CUX1: variants seen among roughly 807,000 people sequenced by gnomAD.
CUX1 encodes the protein protein CASP.
In CUX1, 31 loss-of-function variants were observed where a neutral mutation model predicts 158.8. That is an observed-to-expected ratio of 0.20 (90% CI 0.15 to 0.26). The LOEUF (loss-of-function observed/expected upper bound fraction) is 0.26, where lower values mean the gene tolerates loss of function less well. CUX1 is among the 10% of genes least tolerant of loss of function. The pLI, the probability that CUX1 is intolerant of heterozygous loss-of-function variation, is 1.00. For synonymous variants in CUX1, 879 were observed against 862.1 expected (o/e 1.02, Z -0.34); for missense variants, 1,589 against 2,014.6 (o/e 0.79, Z 4.04).
chr7:101,964,004 G>A (rs563117891), intron 2 of CUX1, among the ~76,000 whole-genome samples: 4 of 152,072 alleles, frequency 2.6e-5, no homozygotes, highest in African/African-American at 7.2e-5. Flanking sequence ...TCAACTTCTC[G>A]GCAACCCTGT....
chr7:101,825,794 TGTGTGCGC>T (rs68130473), intron 1 of CUX1, among the ~76,000 whole-genome samples: 11,999 of 94,466 alleles, frequency 0.13, 540 homozygotes, highest in African/African-American at 0.21. Flanking sequence ...TGTGTGTGTG[TGTGTGCGC>T]GCGCGCGCGC....
In CUX1 at chr7:102,082,104, G is replaced by A. The variant is rs1298919600; in HGVS notation, c.268+11687G>A. 2.7e-5 allele frequency among the ~76,000 whole-genome samples: 4 copies of A among 147,074 alleles called. 1 individual carries two copies. The Admixed American group carries it at 2.8e-4, about 10-fold the overall frequency. On this transcript the variant is annotated intron_variant, in intron 4 of 23. Transcript: ENST00000292535. ...CTTACCCTTCAGCCACTGTCACCTA[G>A]TCCAAGCCACCAGTCTCTGTCACCT...
chr7:101,909,220 G>A (rs1169770869), intron 1 of CUX1, among the ~76,000 whole-genome samples: 4 of 148,704 alleles, frequency 2.7e-5, no homozygotes, highest in Admixed American at 6.6e-5. Context: ...AGGCCGAGGC[G>A]GGAGGATCTC....
intron 15 of CUX1, chr7:102,273,502 A>G (rs1586518851): frequency 1.9e-6 from 3 of 1,605,714 alleles, no homozygotes; most frequent in Non-Finnish European, 2.6e-6. Context: ...AGGTGAGCCC[A>G]CCCCCCTGCC....
chr7:102,091,034 T>A (rs907329742), intron 4 of CUX1, among the ~76,000 whole-genome samples: 2 of 152,204 alleles, frequency 1.3e-5, no homozygotes, highest in African/African-American at 2.4e-5. Flanking sequence ...CTACACTCCC[T>A]CTTGTGTGAT....
chr7:101,946,903 C>T (rs1423928022), intron 2 of CUX1, among the ~76,000 whole-genome samples: 1 of 152,130 alleles, frequency 6.6e-6, no homozygotes, highest in Non-Finnish European at 1.5e-5. Context: ...GGTGGCACCC[C>T]TGAACCAGTC....
At chr7:102,098,939 G>A (rs1470959673) in intron 5 of CUX1, among the ~76,000 whole-genome samples, 2 of 150,152 alleles carry the variant, frequency 1.3e-5, no homozygotes, top group East Asian at 2.0e-4. Flanking sequence ...GATTACAGGC[G>A]TGAGCCACCG....
At chr7:101,948,246 G>A (rs1808625866) in intron 2 of CUX1, among the ~76,000 whole-genome samples, 1 of 152,172 alleles carries the variant, frequency 6.6e-6, no homozygotes, top group South Asian at 2.1e-4. Flanking sequence ...ATTACGTGGT[G>A]ATATTTGTCC....
At chr7:102,244,634 G>A (rs1402954683) in intron 23 of CUX1, among the ~76,000 whole-genome samples, 3 of 152,076 alleles carry the variant, frequency 2.0e-5, no homozygotes, top group African/African-American at 7.2e-5. Context: ...AGGCTGCAGT[G>A]AGCTGTGATC....
chr7:101,898,585 C>CTTTT (rs67714464), intron 1 of CUX1, among the ~76,000 whole-genome samples: 29 of 115,450 alleles, frequency 2.5e-4, no homozygotes, highest in Middle Eastern at 6.2e-3. Context: ...ATTTCTGTGT[C>CTTTT]TTTTTTTTTT....
intron 3 of CUX1, among the ~76,000 whole-genome samples, chr7:102,065,511 C>T (rs1255774054): frequency 1.3e-5 from 2 of 152,230 alleles, no homozygotes; most frequent in Non-Finnish European, 2.9e-5. Context: ...CCATTCTTGT[C>T]TGCGGAGCGG....
chr7:102,279,847 C>T (rs1214256239), intron 18 of CUX1, among the ~76,000 whole-genome samples: 2 of 152,246 alleles, frequency 1.3e-5, no homozygotes, highest in Non-Finnish European at 2.9e-5. Context: ...CTCCATGCCC[C>T]TGTGGCAGGA....
chr7:102,125,042 A>G (rs782399238), intron 8 of CUX1, among the ~76,000 whole-genome samples: 1 of 152,086 alleles, frequency 6.6e-6, no homozygotes, highest in Non-Finnish European at 1.5e-5. Flanking sequence ...TCAGCCTTCT[A>G]AAGTGCTGGA....
intron 12 of CUX1, among the ~76,000 whole-genome samples, chr7:102,191,008 G>A (rs962021325): frequency 2.6e-5 from 4 of 152,036 alleles, no homozygotes; most frequent in African/African-American, 7.2e-5. Context: ...AAAGCTCCTC[G>A]GGCATCCTCT....
chr7:101,961,769 C>T (rs1239368357), intron 2 of CUX1: 4 of 150,548 alleles, frequency 2.7e-5, no homozygotes, highest in African/African-American at 9.8e-5. Context: ...CCAGCTATTC[C>T]AGAGGCTGAG....
intron 2 of CUX1, among the ~76,000 whole-genome samples, chr7:101,967,990 A>G (rs145624852): frequency 5.3e-5 from 8 of 151,962 alleles, no homozygotes; most frequent in African/African-American, 1.2e-4. Flanking sequence ...TGCAGCCTCA[A>G]CCTCCTGGGT....
intron 1 of CUX1, among the ~76,000 whole-genome samples, chr7:101,837,557 A>G (rs1289660898): frequency 6.6e-6 from 1 of 152,044 alleles, no homozygotes; most frequent in Admixed American, 6.6e-5. Context: ...GGCTGGGTGG[A>G]GTGGCTCATG....
rs1252712800 is a variant in CUX1 at position 101,984,137 on chromosome 7, CACAT to C, written c.142-43959_142-43956del. ...ATATATATATATATATATACACACACACATATATATATGTGTGTGTGTGTGTGTG... is the reference window on the plus strand; with the variant it reads ...ATATATATATATATATATACACACACATATATATGTGTGTGTGTGTGTGTG... On this transcript the variant is annotated intron_variant, in intron 2 of 23. Transcript: ENST00000292535. 8.4e-4 allele frequency among the ~76,000 whole-genome samples: 55 copies of C among 65,808 alleles called. 2 individuals are homozygous for C. The highest frequency in any genetic ancestry group is 2.4e-3 in the East Asian group (9 of 3,764). 43.2% of individuals were successfully genotyped at this position (65,808 alleles called of 152,430 possible).
intron 3 of CUX1, among the ~76,000 whole-genome samples, chr7:102,049,804 C>G (rs1051934211): frequency 6.6e-6 from 1 of 152,174 alleles, no homozygotes; most frequent in Admixed American, 6.5e-5. Context: ...TGGGAAAAAG[C>G]TTTGCTTTTC....
Sources: gnomAD v4.1 joint callset for allele counts (sites outside exome capture counted in the v4.1 genomes callset) on GRCh38, gnomAD v4.1.1 for gene constraint, MANE v1.5 for transcripts, NCBI Gene and HGNC (gene_info 2026-07-23, HGNC 2026-07-21) for gene names.